Variants in C3orf70 observed in about 807,000 individuals in gnomAD.
C3orf70 encodes chromosome 3 open reading frame 70, also known as UPF0524 protein C3orf70.
A neutral mutation model predicts 20.7 loss-of-function variants in C3orf70; 15 were observed. That is an observed-to-expected ratio of 0.72 (90% CI 0.48 to 1.11). The LOEUF (loss-of-function observed/expected upper bound fraction) is 1.11, where lower values mean the gene tolerates loss of function less well. C3orf70 is among the 50% of genes most tolerant of loss of function. C3orf70 has a pLI of 0.00. For missense variants in C3orf70, 332 were observed against 317.6 expected (o/e 1.05, Z -0.34); for synonymous variants, 161 against 125.7 (o/e 1.28, Z -1.88).
At chr3:185,112,877 T>C (rs1426046293) in intron 1 of C3orf70, among the ~76,000 whole-genome samples, 5 of 152,208 alleles carry the variant, frequency 3.3e-5, no homozygotes, top group Non-Finnish European at 4.4e-5. Flanking sequence ...TTTCTTTTTT[T>C]GAATATTACA....
Position 185,079,776 on chromosome 3 carries a change from C to G in C3orf70, c.*3231G>C, listed in dbSNP as rs1481198401. ...CAAGAAAGCAGTTTATCCATCCACA[C>G]AGCCCAACCCTTGCTCCAATGAGCA... On this transcript the variant is annotated 3_prime_UTR_variant, in exon 2 of 2. Coordinates refer to ENST00000335012, the MANE Select transcript of C3orf70 (RefSeq NM_001025266.3). The G allele has an allele frequency of 6.6e-6, 1 of 152,668 alleles. No homozygotes were observed. The highest frequency in any genetic ancestry group is 6.5e-5 in the Admixed American group (1 of 15,286). 9.5% of individuals were successfully genotyped at this position (152,668 alleles called of 1,614,324 possible).
At chr3:185,107,434 G>T (rs1715968222) in intron 1 of C3orf70, among the ~76,000 whole-genome samples, 1 of 152,134 alleles carries the variant, frequency 6.6e-6, no homozygotes, top group Non-Finnish European at 1.5e-5. Context: ...CCTGGTATGG[G>T]ACTAGAAAAA....
At chr3:185,129,124 T>C (rs1716477297) in intron 1 of C3orf70, among the ~76,000 whole-genome samples, 1 of 152,210 alleles carries the variant, frequency 6.6e-6, no homozygotes, top group African/African-American at 2.4e-5. Context: ...ACAGTTTTTA[T>C]TTTAGATACA....
At chr3:185,097,131 T>C (rs903059546) in intron 1 of C3orf70, among the ~76,000 whole-genome samples, 1 of 152,178 alleles carries the variant, frequency 6.6e-6, no homozygotes, top group African/African-American at 2.4e-5. Context: ...CTTAAATTGA[T>C]TCAATGACCA....
chr3:185,146,045 G>C (rs978422838), intron 1 of C3orf70, among the ~76,000 whole-genome samples: 4 of 151,896 alleles, frequency 2.6e-5, no homozygotes, highest in African/African-American at 9.7e-5. Flanking sequence ...GAACCTATCA[G>C]CTTTCTCTGT....
chr3:185,146,350 C>T lies in C3orf70; in HGVS notation c.196+6278G>A, dbSNP rs6777852. ...TTGCCCAGGCTGGAGTGCAATGGCG[C>T]GATCTTGGCTCGCTGCAACCTCTGC... On this transcript the variant is annotated intron_variant, in intron 1 of 1. Coordinates refer to ENST00000335012, the MANE Select transcript of C3orf70 (RefSeq NM_001025266.3). 2.1e-3 allele frequency among the ~76,000 whole-genome samples: 275 copies of T among 134,130 alleles called. 2 individuals are homozygous for T. Among genetic ancestry groups the T allele is most frequent in the African/African-American group, 6.6e-3 (234 of 35,576 alleles). 88.0% of individuals were successfully genotyped at this position (134,130 alleles called of 152,430 possible).
intron 1 of C3orf70, among the ~76,000 whole-genome samples, chr3:185,106,528 A>G (rs1032374455): frequency 3.3e-5 from 5 of 152,216 alleles, no homozygotes; most frequent in African/African-American, 1.2e-4. Context: ...TCCAAAATGT[A>G]AAAAAGGAAA....
At chr3:185,110,370 A>G (rs1716045723) in intron 1 of C3orf70, among the ~76,000 whole-genome samples, 1 of 152,258 alleles carries the variant, frequency 6.6e-6, no homozygotes, top group Admixed American at 6.5e-5. Context: ...TAAAATGGAT[A>G]AAAACACTTG....
chr3:185,105,036 A>G (rs1265689355), intron 1 of C3orf70, among the ~76,000 whole-genome samples: 2 of 152,236 alleles, frequency 1.3e-5, no homozygotes, highest in East Asian at 3.8e-4. Flanking sequence ...TACCAGACAT[A>G]TCAAATAAGG....
At chr3:185,126,818 T>C (rs577447412) in intron 1 of C3orf70, among the ~76,000 whole-genome samples, 2 of 152,314 alleles carry the variant, frequency 1.3e-5, no homozygotes, top group East Asian at 1.9e-4. Context: ...CGCACAGTTG[T>C]ATGGCCACAA....
chr3:185,138,698 C>T (rs1054156150), intron 1 of C3orf70, among the ~76,000 whole-genome samples: 4 of 152,124 alleles, frequency 2.6e-5, no homozygotes, highest in Non-Finnish European at 5.9e-5. Context: ...ACTTAATACC[C>T]ATTCAAGATT....
chr3:185,093,204 T>G (rs68183022), intron 1 of C3orf70, among the ~76,000 whole-genome samples: 12 of 152,270 alleles, frequency 7.9e-5, no homozygotes, highest in African/African-American at 2.9e-4. Flanking sequence ...CCAAGCAACC[T>G]GTACAGGGCA....
intron 1 of C3orf70, among the ~76,000 whole-genome samples, chr3:185,102,301 C>T (rs977590500): frequency 3.3e-5 from 5 of 152,140 alleles, no homozygotes; most frequent in African/African-American, 1.2e-4. Context: ...ATCAGAAACA[C>T]AATCCCATTC....
chr3:185,125,413 AC>A (rs1462443646), intron 1 of C3orf70, among the ~76,000 whole-genome samples: 3 of 151,906 alleles, frequency 2.0e-5, no homozygotes, highest in Non-Finnish European at 4.4e-5. Flanking sequence ...AACAACAACA[AC>A]AACAACAACA....
intron 1 of C3orf70, among the ~76,000 whole-genome samples, chr3:185,119,672 T>C: frequency 6.6e-6 from 1 of 152,094 alleles, no homozygotes; most frequent in South Asian, 2.1e-4. Flanking sequence ...CACTAATCTA[T>C]TTTCAGTTTA....
intron 1 of C3orf70, among the ~76,000 whole-genome samples, chr3:185,094,082 T>TTG (rs1715650622): frequency 7.1e-6 from 1 of 141,662 alleles, no homozygotes; most frequent in Non-Finnish European, 1.5e-5. Flanking sequence ...GGGTTTTTTT[T>TTG]TTTTTTTTTT....
At chr3:185,125,414 C>T (rs1577329966) in intron 1 of C3orf70, among the ~76,000 whole-genome samples, 1 of 138,710 alleles carries the variant, frequency 7.2e-6, no homozygotes, top group South Asian at 2.3e-4. Flanking sequence ...ACAACAACAA[C>T]AACAACAACA....
chr3:185,120,045 G>GAAAGAAAAAGAAAAAT (rs1716265607), intron 1 of C3orf70, among the ~76,000 whole-genome samples: 1 of 132,594 alleles, frequency 7.5e-6, no homozygotes, highest in African/African-American at 2.8e-5. Context: ...AAAAGAAAAA[G>GAAAGAAAAAGAAAAAT]AAAAAAGTGT....
chr3:185,099,606 A>C (rs926881525), intron 1 of C3orf70, among the ~76,000 whole-genome samples: 2 of 152,226 alleles, frequency 1.3e-5, no homozygotes, highest in Non-Finnish European at 2.9e-5. Flanking sequence ...AGCCACTACA[A>C]AAACACACTG....
Sources: gnomAD v4.1 joint callset for allele counts (sites outside exome capture counted in the v4.1 genomes callset) on GRCh38, gnomAD v4.1.1 for gene constraint, MANE v1.5 for transcripts, NCBI Gene and HGNC (gene_info 2026-07-23, HGNC 2026-07-21) for gene names.